The following PDE1C variants were observed in gnomAD, a reference collection of about 807,000 sequenced individuals.
PDE1C encodes phosphodiesterase 1C, also known as dual specificity calcium/calmodulin-dependent 3',5'-cyclic nucleotide phosphodiesterase 1C.
PDE1C carries 62 observed loss-of-function variants against 93.1 expected under a neutral mutation model. The ratio of observed to expected loss-of-function variants is 0.67; its 90% CI spans 0.54 to 0.82. PDE1C has a LOEUF of 0.82. Among genes scored for constraint, PDE1C ranks in the 40% least tolerant of loss-of-function variants. PDE1C has a pLI of 0.00. For missense variants in PDE1C, 742 were observed against 884.6 expected (o/e 0.84, Z 2.04); for synonymous variants, 325 against 310.1 (o/e 1.05, Z -0.50).
At chr7:32,223,612 C>A (rs1191139248) in intron 1 of PDE1C, among the ~76,000 whole-genome samples, 3 of 152,162 alleles carry the variant, frequency 2.0e-5, no homozygotes, top group Non-Finnish European at 4.4e-5. Context: ...CTAGAATTAG[C>A]CTATTTACTC....
intron 1 of PDE1C, among the ~76,000 whole-genome samples, chr7:32,368,781 T>C (rs1784271038): frequency 6.6e-6 from 1 of 152,122 alleles, no homozygotes; most frequent in African/African-American, 2.4e-5. Flanking sequence ...AATAGCATGG[T>C]ACTGACATAA....
intron 2 of PDE1C, among the ~76,000 whole-genome samples, chr7:31,894,868 T>C (rs10252546): frequency 0.14 from 21,554 of 152,036 alleles, 1,895 homozygotes; most frequent in Admixed American, 0.23. Flanking sequence ...CTCAGGAAAG[T>C]GGTGTCTATG....
intron 3 of PDE1C, among the ~76,000 whole-genome samples, chr7:32,122,118 A>T (rs566261028): frequency 6.6e-6 from 1 of 152,224 alleles, no homozygotes; most frequent in African/African-American, 2.4e-5. Flanking sequence ...ATCAAAAAAG[A>T]AAAAGAATGA....
At chr7:32,113,212 A>G (rs1386675373) in intron 3 of PDE1C, among the ~76,000 whole-genome samples, 1 of 125,656 alleles carries the variant, frequency 8.0e-6, no homozygotes, top group Non-Finnish European at 1.6e-5. Flanking sequence ...AGTTATATTT[A>G]TAAATATAAA....
intron 17 of PDE1C, among the ~76,000 whole-genome samples, chr7:31,754,223 A>T (rs1794303059): frequency 6.6e-6 from 1 of 152,208 alleles, no homozygotes; most frequent in Admixed American, 6.5e-5. Context: ...AAATCTAAAA[A>T]ACTTGACAAC....
intron 2 of PDE1C, among the ~76,000 whole-genome samples, chr7:31,932,546 A>G (rs2128984127): frequency 6.6e-6 from 1 of 152,332 alleles, no homozygotes; most frequent in East Asian, 1.9e-4. Flanking sequence ...AATGGTGATC[A>G]TTAAAAAGTC....
chr7:32,108,184 T>A (rs1798435829), intron 3 of PDE1C, among the ~76,000 whole-genome samples: 1 of 135,164 alleles, frequency 7.4e-6, no homozygotes, highest in East Asian at 2.1e-4. Context: ...GACTTAAATA[T>A]GCTAATTTGA....
At chr7:31,686,413 A>G in the PDE1C span, among the ~76,000 whole-genome samples, 7 of 152,266 alleles carry the variant, frequency 4.6e-5, no homozygotes, top group African/African-American at 1.2e-4. Flanking sequence ...TATTCCTAAT[A>G]TTGGTACATT....
chr7:31,668,625 T>C, the PDE1C span, among the ~76,000 whole-genome samples: 3,108 of 152,134 alleles, frequency 0.02, 112 homozygotes, highest in African/African-American at 0.07. Context: ...TTCAGAATAG[T>C]CAAATTAATA....
intron 1 of PDE1C, among the ~76,000 whole-genome samples, chr7:32,236,609 T>C (rs981804640): frequency 1.3e-5 from 2 of 152,196 alleles, no homozygotes; most frequent in Non-Finnish European, 2.9e-5. Context: ...GCGATACTAC[T>C]CTGTATCTCA....
At chr7:32,139,214 C>A (rs1203197287) in intron 3 of PDE1C, among the ~76,000 whole-genome samples, 3 of 151,564 alleles carry the variant, frequency 2.0e-5, no homozygotes, top group Admixed American at 1.3e-4. Flanking sequence ...CGGCTCACTG[C>A]AACCTTGAAC....
intron 1 of PDE1C, among the ~76,000 whole-genome samples, chr7:32,226,118 ATTG>A (rs1807248837): frequency 6.6e-6 from 1 of 152,168 alleles, no homozygotes; most frequent in South Asian, 2.1e-4. Context: ...TTTGACGTCC[ATTG>A]TTGTTTGTCA....
chr7:31,788,478 C>T (rs1010107514), intron 16 of PDE1C: 3 of 151,940 alleles, frequency 2.0e-5, no homozygotes, highest in Admixed American at 2.0e-4. Flanking sequence ...TATCTAGGAC[C>T]CCCATCCCCA....
At chr7:32,181,197 C>T (rs10256007) in intron 2 of PDE1C, among the ~76,000 whole-genome samples, 46,600 of 151,862 alleles carry the variant, frequency 0.31, 8,556 homozygotes, top group East Asian at 0.58. Flanking sequence ...ACAATAATAA[C>T]GGGAGACTTT....
chr7:31,953,847 GA>G (rs201630582), intron 2 of PDE1C, among the ~76,000 whole-genome samples: 3 of 150,542 alleles, frequency 2.0e-5, no homozygotes, highest in East Asian at 1.9e-4. Context: ...AAAATATTAA[GA>G]AAAAAAAACC....
chr7:32,070,470 G>A, upstream of PDE1C: 1 of 1,577,366 alleles, frequency 6.3e-7, no homozygotes. Context: ...CGCCCAGCTC[G>A]CGATGCCCAG....
chr7:32,150,208 C>T (rs76688804), intron 3 of PDE1C, among the ~76,000 whole-genome samples: 3,421 of 152,280 alleles, frequency 0.022, 135 homozygotes, highest in African/African-American at 0.077. Context: ...CACTTTGCTC[C>T]GGGTCACATC....
At chr7:31,908,101 CA>C (rs927945473) in intron 2 of PDE1C, among the ~76,000 whole-genome samples, 2 of 152,024 alleles carry the variant, frequency 1.3e-5, no homozygotes, top group Non-Finnish European at 2.9e-5. Flanking sequence ...GAAAGCTTGA[CA>C]AAAGTGACAT....
At chr7:31,740,714 T>C in the PDE1C span, among the ~76,000 whole-genome samples, 1 of 152,180 alleles carries the variant, frequency 6.6e-6, no homozygotes, top group African/African-American at 2.4e-5. Context: ...TAGCAATAAA[T>C]AATATATGGC....
Sources: allele counts gnomAD v4.1 joint callset (sites outside exome capture counted in the v4.1 genomes callset), GRCh38; gene constraint gnomAD v4.1.1; transcripts MANE v1.5; gene names NCBI Gene and HGNC (gene_info 2026-07-23, HGNC 2026-07-21).